Variants in RBM20 observed in about 807,000 individuals in gnomAD.
RBM20 encodes RNA binding motif protein 20, also known as RNA-binding protein 20.
In RBM20, 51 loss-of-function variants were observed where a neutral mutation model predicts 110.1. The observed-to-expected ratio is 0.46, with a 90% CI of 0.37 to 0.59. RBM20 has a LOEUF of 0.59. Among genes scored for constraint, RBM20 ranks in the 20% least tolerant of loss-of-function variants. RBM20 has a pLI of 0.00. For synonymous variants in RBM20, 589 were observed against 618.2 expected, an observed-to-expected ratio of 0.95 and a Z score of 0.70; for missense variants, 1,512 against 1,574.9, an observed-to-expected ratio of 0.96 and a Z score of 0.68.
At chr10:110,723,843 C>T (rs761281907) in intron 1 of RBM20, among the ~76,000 whole-genome samples, 1 of 152,006 alleles carries the variant, frequency 6.6e-6, no homozygotes, top group Non-Finnish European at 1.5e-5. Context: ...TGGCAGTGCA[C>T]AGGGAAGGCA....
chr10:110,738,644 G>C (rs1237442706), intron 1 of RBM20, among the ~76,000 whole-genome samples: 2 of 152,110 alleles, frequency 1.3e-5, no homozygotes, highest in African/African-American at 2.4e-5. Flanking sequence ...CATGGAAGGG[G>C]GGCTTTCCTG....
At chr10:110,797,264 C>A (rs1844561678) in intron 5 of RBM20, among the ~76,000 whole-genome samples, 1 of 151,920 alleles carries the variant, frequency 6.6e-6, no homozygotes. Context: ...TGCGCTCTAG[C>A]CTGGGTGATG....
At chr10:110,770,035 C>T (rs934665200) in intron 1 of RBM20, among the ~76,000 whole-genome samples, 8 of 152,120 alleles carry the variant, frequency 5.3e-5, no homozygotes, top group African/African-American at 1.9e-4. Flanking sequence ...ACTATACATT[C>T]TTAGGGTTGG....
chr10:110,677,174 T>G lies in RBM20; in HGVS notation c.191+32529T>G, dbSNP rs528285654. ...GGTGGAGGAGGCTAAGCGTGCTAGC[T>G]CAGGCCTCTCTCCTCTTATAAAGCC... On this transcript the variant is annotated intron_variant, in intron 1 of 13. Coordinates refer to ENST00000369519, the MANE Select transcript of RBM20 (RefSeq NM_001134363.3). 1.2e-4 allele frequency among the ~76,000 whole-genome samples: 18 copies of G among 152,272 alleles called. No individual in the cohort carries two copies. In the South Asian group the frequency reaches 3.7e-3, roughly 32 times the overall value.
chr10:110,655,493 A>T (rs1862009456), intron 1 of RBM20, among the ~76,000 whole-genome samples: 1 of 152,194 alleles, frequency 6.6e-6, no homozygotes, highest in East Asian at 1.9e-4. Context: ...AACAGACACG[A>T]TAGTTTGATT....
intron 6 of RBM20, among the ~76,000 whole-genome samples, chr10:110,799,197 A>C (rs955294928): frequency 6.6e-6 from 1 of 152,186 alleles, no homozygotes; most frequent in Non-Finnish European, 1.5e-5. Context: ...CCAGAGAGCA[A>C]GTTTTATAGG....
At chr10:110,690,922 G>T (rs578049336) in intron 1 of RBM20, among the ~76,000 whole-genome samples, 4 of 152,272 alleles carry the variant, frequency 2.6e-5, no homozygotes, top group Admixed American at 1.3e-4. Context: ...ATACTTTTGG[G>T]CATATACCTA....
At position 110,739,485 on chromosome 10, in the gene RBM20, C is replaced by A. The variant is rs959801137; in HGVS notation, c.192-41316C>A. ...TTGATGAGCTGCCGGATCTCTTGACCCCTCAGAGAATTTTACATTAGGGAA... is the reference window on the plus strand; with the variant it reads ...TTGATGAGCTGCCGGATCTCTTGACACCTCAGAGAATTTTACATTAGGGAA... On this transcript the variant is annotated intron_variant, in intron 1 of 13. Coordinates refer to ENST00000369519, the MANE Select transcript of RBM20 (RefSeq NM_001134363.3). This position sits in a 1 kb window ranked among gnomAD's most constrained non-coding sequence, Gnocchi z 4.1. Among the ~76,000 whole-genome samples, 3 of 152,112 alleles carry A rather than the reference C, an allele frequency of 2.0e-5. No individual in the cohort carries two copies. Among genetic ancestry groups the A allele is most frequent in the African/African-American group, 7.2e-5 (3 of 41,420 alleles).
At chr10:110,706,203 G>A (rs955920827) in intron 1 of RBM20, among the ~76,000 whole-genome samples, 1 of 152,218 alleles carries the variant, frequency 6.6e-6, no homozygotes, top group South Asian at 2.1e-4. Flanking sequence ...TAGCAGTTTG[G>A]TTGTGTAGCT....
At chr10:110,738,294 C>T (rs1224216136) in intron 1 of RBM20, among the ~76,000 whole-genome samples, 3 of 152,058 alleles carry the variant, frequency 2.0e-5, no homozygotes, top group African/African-American at 7.3e-5. Flanking sequence ...AGGTTGGGGG[C>T]CAGCTTAATG....
At chr10:110,764,159 T>C (rs1172497956) in intron 1 of RBM20, among the ~76,000 whole-genome samples, 1 of 152,220 alleles carries the variant, frequency 6.6e-6, no homozygotes, top group Non-Finnish European at 1.5e-5. Flanking sequence ...GGAGCTTTGC[T>C]GGCTGGGAGT....
intron 1 of RBM20, among the ~76,000 whole-genome samples, chr10:110,725,845 C>T (rs972723474): frequency 1.8e-4 from 27 of 152,218 alleles, no homozygotes; most frequent in African/African-American, 6.0e-4. Flanking sequence ...ATTGGTCACG[C>T]CAGTTCTCTG....
intron 9 of RBM20, among the ~76,000 whole-genome samples, chr10:110,817,903 A>T (rs939979018): frequency 6.6e-6 from 1 of 152,220 alleles, no homozygotes; most frequent in African/African-American, 2.4e-5. Context: ...GGCCTACACT[A>T]TGCAGGGCCT....
chr10:110,824,984 T>C (rs1844964898), intron 12 of RBM20, among the ~76,000 whole-genome samples: 1 of 150,006 alleles, frequency 6.7e-6, no homozygotes, highest in Non-Finnish European at 1.5e-5. Flanking sequence ...TAAAAAAATC[T>C]CTTACTATTT....
intron 3 of RBM20, among the ~76,000 whole-genome samples, chr10:110,783,900 A>AT: frequency 2.0e-5 from 3 of 152,248 alleles, no homozygotes; most frequent in South Asian, 2.1e-4. Flanking sequence ...ATCACTCCCT[A>AT]TTCCCCCTAA....
intron 1 of RBM20, among the ~76,000 whole-genome samples, chr10:110,672,049 C>CCA (rs150698563): frequency 1.2e-3 from 158 of 131,012 alleles, no homozygotes; most frequent in African/African-American, 3.7e-3. Context: ...TTTTAGGGCC[C>CCA]TATTAGGGAC....
chr10:110,665,053 C>G (rs1240201717), intron 1 of RBM20, among the ~76,000 whole-genome samples: 1 of 151,014 alleles, frequency 6.6e-6, no homozygotes, highest in African/African-American at 2.4e-5. Flanking sequence ...TTTTTTTTTT[C>G]TTTTGTAGAG....
chr10:110,773,538 T>C (rs933061681), intron 1 of RBM20, among the ~76,000 whole-genome samples: 1 of 152,206 alleles, frequency 6.6e-6, no homozygotes, highest in African/African-American at 2.4e-5. Flanking sequence ...AATTCTCACC[T>C]ATAATACCAT....
chr10:110,808,330 C>T (rs1844721517), intron 7 of RBM20, among the ~76,000 whole-genome samples: 1 of 152,210 alleles, frequency 6.6e-6, no homozygotes, highest in African/African-American at 2.4e-5. Context: ...CCTTGTTTGG[C>T]CTTGGTCTGA....
Sources: gnomAD v4.1 joint callset for allele counts (sites outside exome capture counted in the v4.1 genomes callset) on GRCh38, gnomAD v4.1.1 for gene constraint, Gnocchi (gnomAD v3.1) non-coding constraint, MANE v1.5 for transcripts, NCBI Gene and HGNC (gene_info 2026-07-23, HGNC 2026-07-21) for gene names.